The following GGTA1 variants were observed in gnomAD, a reference collection of about 807,000 sequenced individuals.
GGTA1 encodes the protein glycoprotein alpha-galactosyltransferase 1 (inactive).
Under a neutral mutation model 2.6 loss-of-function variants are expected in GGTA1, and 5 were observed. That is an observed-to-expected ratio of 1.92 (90% CI 1.00 to 4.04). The LOEUF is 4.04. Ranked by LOEUF, GGTA1 falls within the 30% of genes most tolerant of loss-of-function variation. GGTA1 has a pLI of 0.00. For missense variants in GGTA1, 50 were observed against 16.7 expected, an observed-to-expected ratio of 2.99 and a Z score of -3.47; for synonymous variants, 17 against 5.0, an observed-to-expected ratio of 3.38 and a Z score of -3.19.
downstream of GGTA1, among the ~76,000 whole-genome samples, chr9:121,452,818 C>A (rs901136313): frequency 3.3e-5 from 5 of 152,202 alleles, no homozygotes; most frequent in Non-Finnish European, 7.3e-5. Flanking sequence ...TGGGCCTAGC[C>A]CTCTCAGGGC....
At chr9:121,472,985 G>T (rs985659476) in intron 1 of GGTA1, among the ~76,000 whole-genome samples, 1 of 152,112 alleles carries the variant, frequency 6.6e-6, no homozygotes, top group Non-Finnish European at 1.5e-5. Context: ...TCTATGGCTT[G>T]AATCTGCCTG....
Position 121,455,730 on chromosome 9 carries a change from AGGT to A in GGTA1, c.*104_*106del, listed in dbSNP as rs2064906081. 1.0e-5 allele frequency: 4 copies of A among 392,272 alleles called. No individual in the cohort carries two copies. Among genetic ancestry groups the A allele is most frequent in the Non-Finnish European group, 2.0e-5 (4 of 195,868 alleles). The allele number at this position is 392,272 out of a possible 1,614,324, so 24.3% of individuals were successfully genotyped here. A position where few individuals can be genotyped will look rare whatever the true frequency, so the allele number is the denominator to read the frequency against. ...CCCTTGAGAATCTCGCAGTCCCAAC[AGGT>A]GGTCCGCCTGTTACACACTCCTTAA... On this transcript the variant is annotated 3_prime_UTR_variant, in exon 6 of 6. Coordinates refer to ENST00000481799, the MANE Select transcript of GGTA1 (RefSeq NM_001382585.1).
downstream of GGTA1, among the ~76,000 whole-genome samples, chr9:121,450,169 G>T (rs1000202094): frequency 2.6e-5 from 4 of 152,146 alleles, no homozygotes; most frequent in Admixed American, 1.3e-4. Context: ...TAATCCAAGG[G>T]TTTATAGTAT....
downstream of GGTA1, among the ~76,000 whole-genome samples, chr9:121,451,804 C>G (rs2064879596): frequency 1.3e-5 from 2 of 152,156 alleles, no homozygotes; most frequent in South Asian, 4.1e-4. Flanking sequence ...TGTCTAGCAG[C>G]TAGCACTTGT....
chr9:121,464,716 G>T (rs991414275), intron 2 of GGTA1, among the ~76,000 whole-genome samples: 1 of 152,172 alleles, frequency 6.6e-6, no homozygotes, highest in Admixed American at 6.5e-5. Flanking sequence ...TTCCCATCAT[G>T]ATCACCACTA....
intron 4 of GGTA1, among the ~76,000 whole-genome samples, chr9:121,460,480 G>A (rs566862670): frequency 6.6e-6 from 1 of 152,270 alleles, no homozygotes; most frequent in Admixed American, 6.5e-5. Context: ...GTTATTTCAG[G>A]GGGGGTGAGG....
In GGTA1 at chr9:121,475,882, A is replaced by G. The variant is rs554461496; in HGVS notation, c.-9-7951T>C. Among the ~76,000 whole-genome samples, 126 of 152,154 alleles carry G rather than the reference A, an allele frequency of 8.3e-4. 2 individuals are homozygous for G. The highest frequency in any genetic ancestry group is 1.7e-3 in the Non-Finnish European group (118 of 68,030). On this transcript the variant is annotated intron_variant, in intron 1 of 5. Transcript: ENST00000481799. ...GGAGAGTGTTCAGCTCCAGCATTCCAGGTAAAAATTAGGCTAAGAGCAAAG... is the reference window on the plus strand; with the variant it reads ...GGAGAGTGTTCAGCTCCAGCATTCCGGGTAAAAATTAGGCTAAGAGCAAAG...
intron 3 of GGTA1, among the ~76,000 whole-genome samples, chr9:121,461,578 G>T (rs1036997720): frequency 6.6e-6 from 1 of 152,118 alleles, no homozygotes; most frequent in Admixed American, 6.5e-5. Flanking sequence ...GGAAAAGGGG[G>T]CTGGAGTGGG....
exon 8 of GGTA1, chr9:121,445,668 C>T (rs2064848967): frequency 6.6e-6 from 1 of 152,222 alleles, no homozygotes; most frequent in Non-Finnish European, 1.5e-5. Context: ...ATAACTAGAT[C>T]TTCCATTGTT....
chr9:121,497,367 C>T (rs10120625), intron 1 of GGTA1, among the ~76,000 whole-genome samples: 33,195 of 152,080 alleles, frequency 0.22, 4,323 homozygotes, highest in Non-Finnish European at 0.3. Flanking sequence ...ACCTCTGCCC[C>T]GTCTCCATGA....
intron 1 of GGTA1, among the ~76,000 whole-genome samples, chr9:121,491,121 A>G (rs1828861584): frequency 6.8e-6 from 1 of 148,136 alleles, no homozygotes. Context: ...TTAGGCAACC[A>G]CAAGCAAACC....
At chr9:121,461,164 A>G (rs2064957693) in intron 4 of GGTA1, 88 bp downstream of exon 4, 1 of 396,356 alleles carries the variant, frequency 2.5e-6, no homozygotes, top group Non-Finnish European at 5.0e-6. Context: ...AGTGACTGAG[A>G]AGGTCATGAA....
chr9:121,490,018 G>A (rs982743780), intron 1 of GGTA1, among the ~76,000 whole-genome samples: 1 of 152,190 alleles, frequency 6.6e-6, no homozygotes, highest in East Asian at 1.9e-4. Flanking sequence ...TCAAATCCCC[G>A]TTTCAGTATA....
chr9:121,455,321 T>C lies in GGTA1; in HGVS notation c.*516A>G, dbSNP rs1411819775. 6.6e-6 allele frequency: 1 copy of C among 152,266 alleles called. No individual in the cohort carries two copies. Among genetic ancestry groups the C allele is most frequent in the East Asian group, 1.9e-4 (1 of 5,200 alleles). 9.4% of individuals were successfully genotyped at this position (152,266 alleles called of 1,614,324 possible). Reference sequence around the variant, plus strand: ...TAGTTTTAGCTTGTCAAAGATCTTTTAGTAGCTCTAACATAGCCCACTAGC... The same window carrying C: ...TAGTTTTAGCTTGTCAAAGATCTTTCAGTAGCTCTAACATAGCCCACTAGC... On this transcript the variant is annotated 3_prime_UTR_variant, in exon 6 of 6. Coordinates refer to ENST00000481799, the MANE Select transcript of GGTA1 (RefSeq NM_001382585.1).
chr9:121,452,500 CTA>C (rs370823166), downstream of GGTA1, among the ~76,000 whole-genome samples: 79 of 151,878 alleles, frequency 5.2e-4, 1 homozygote, highest in African/African-American at 1.6e-3. Context: ...CCTCTGAGGG[CTA>C]TCTTTTTTTT....
At chr9:121,477,966 C>G (rs1373360509) in intron 1 of GGTA1, among the ~76,000 whole-genome samples, 1 of 151,140 alleles carries the variant, frequency 6.6e-6, no homozygotes, top group East Asian at 1.9e-4. Context: ...CCAGGCCAGG[C>G]CAGACCCTGG....
At chr9:121,454,257 G>C (rs908609038), downstream of GGTA1, among the ~76,000 whole-genome samples, 2 of 152,174 alleles carry the variant, frequency 1.3e-5, no homozygotes, top group African/African-American at 2.4e-5. Flanking sequence ...GCACCAACCT[G>C]TGCCAGGCAC....
At chr9:121,498,283 G>A (rs1396296768) in intron 1 of GGTA1, among the ~76,000 whole-genome samples, 2 of 152,206 alleles carry the variant, frequency 1.3e-5, no homozygotes, top group African/African-American at 4.8e-5. Flanking sequence ...GTTCAGCTCT[G>A]CCTTATTCAG....
intron 1 of GGTA1, among the ~76,000 whole-genome samples, chr9:121,473,990 A>G (rs1564654706): frequency 1.3e-5 from 2 of 151,594 alleles, no homozygotes; most frequent in African/African-American, 4.8e-5. Flanking sequence ...AGAGAGAGAG[A>G]AAAGAAAGAA....
Sources: gnomAD v4.1 joint callset for allele counts (sites outside exome capture counted in the v4.1 genomes callset) on GRCh38, gnomAD v4.1.1 for gene constraint, MANE v1.5 for transcripts, NCBI Gene and HGNC (gene_info 2026-07-23, HGNC 2026-07-21) for gene names.